ACP3: variants seen among roughly 807,000 people sequenced by gnomAD.
ACP3 encodes the protein prostatic acid phosphatase.
In ACP3, 38 loss-of-function variants were observed where a neutral mutation model predicts 45.6. The ratio of observed to expected loss-of-function variants is 0.83; its 90% CI spans 0.64 to 1.09. The LOEUF (loss-of-function observed/expected upper bound fraction) is 1.09. Ranked by LOEUF, ACP3 falls within the 50% of genes least tolerant of loss-of-function variation. The probability of loss-of-function intolerance (pLI) is 0.00; values close to 1 mark genes in which losing one functional copy is unlikely to be tolerated. For synonymous variants in ACP3, 162 were observed against 164.7 expected, an observed-to-expected ratio of 0.98 and a Z score of 0.13; for missense variants, 466 against 463.2, an observed-to-expected ratio of 1.01 and a Z score of -0.05.
At chr3:132,336,961 T>C (rs895710539) in intron 4 of ACP3, among the ~76,000 whole-genome samples, 4 of 152,316 alleles carry the variant, frequency 2.6e-5, no homozygotes, top group Admixed American at 6.5e-5. Context: ...ATACGTACTC[T>C]TAACAGTCTG....
chr3:132,339,921 C>T (rs1278605732), intron 5 of ACP3, among the ~76,000 whole-genome samples: 2 of 152,122 alleles, frequency 1.3e-5, no homozygotes, highest in African/African-American at 4.8e-5. Context: ...CTGAAGCTGG[C>T]CAGGGACTGC....
chr3:132,350,161 A>C (rs745626096), intron 8 of ACP3, among the ~76,000 whole-genome samples, 159 bp downstream of exon 8: 1 of 147,740 alleles, frequency 6.8e-6, no homozygotes, highest in Non-Finnish European at 1.5e-5. Context: ...TCTGTCCTTT[A>C]AGGGATTTAT....
chr3:132,356,575 T>C, intron 9 of ACP3, 111 bp from the exon 10 acceptor site: 1 of 1,572,780 alleles, frequency 6.4e-7, no homozygotes, highest in Non-Finnish European at 8.6e-7. Flanking sequence ...TCCCCATAAG[T>C]TTTTCCATTA....
rs571917599 is a variant in ACP3 at position 132,358,624 on chromosome 3, G to A, written c.*1746G>A. 8 of 1,055,052 alleles carry A rather than the reference G, an allele frequency of 7.6e-6. No homozygotes were observed. Among genetic ancestry groups the A allele is most frequent in the South Asian group, 5.7e-5 (2 of 35,096 alleles). The allele number at this position is 1,055,052 out of a possible 1,614,324, so 65.4% of individuals were successfully genotyped here. A position where few individuals can be genotyped will look rare whatever the true frequency, so the allele number is the denominator to read the frequency against. Reference sequence around the variant, plus strand: ...TCACAGAATGACTGACAAAGACATCGATTGATATGCTTCTTTGTGTTATTT... The same window carrying A: ...TCACAGAATGACTGACAAAGACATCAATTGATATGCTTCTTTGTGTTATTT... On this transcript the variant is annotated 3_prime_UTR_variant, in exon 10 of 10. Coordinates refer to ENST00000336375, the MANE Select transcript of ACP3 (RefSeq NM_001099.5).
intron 8 of ACP3, among the ~76,000 whole-genome samples, chr3:132,352,499 A>G (rs1282346925): frequency 6.6e-6 from 1 of 152,002 alleles, no homozygotes; most frequent in Admixed American, 6.6e-5. Context: ...CGCCCAGCCA[A>G]TTTCTTCATC....
At chr3:132,359,266 A>C (rs1204871324), downstream of ACP3, among the ~76,000 whole-genome samples, 1 of 152,270 alleles carries the variant, frequency 6.6e-6, no homozygotes, top group South Asian at 2.1e-4. Context: ...TAATCCCAGC[A>C]CTTTGGGAGG....
In ACP3 at chr3:132,342,540, T is replaced by A. The variant is rs1047559836; in HGVS notation, c.556-12T>A. 6.3e-7 allele frequency: 1 copy of A among 1,585,182 alleles called. No homozygotes were observed. Among genetic ancestry groups the A allele is most frequent in the African/African-American group, 1.4e-5 (1 of 73,392 alleles). On this transcript the variant is annotated splice_polypyrimidine_tract_variant and intron_variant, in intron 5 of 9. Transcript: ENST00000336375. Reference sequence around the variant, plus strand: ...CTGTGTAGGAATTTTTCTTTCTCTGTTTGTGTTTCAGGATTTTATAGCTAC... The same window carrying A: ...CTGTGTAGGAATTTTTCTTTCTCTGATTGTGTTTCAGGATTTTATAGCTAC...
rs138177825 is a variant in ACP3, at chr3:132,317,527, T to C, written c.71T>C (p.Phe24Ser). 3.3e-5 allele frequency: 53 copies of C among 1,613,730 alleles called. No homozygotes were observed. Among genetic ancestry groups the C allele is most frequent in the Non-Finnish European group, 4.1e-5 (48 of 1,179,876 alleles). The stretch of plus-strand genomic sequence containing the variant: ...CTTGGCTTCTTGTTTCTGCTTTTTT[T>C]CTGGCTAGACCGAAGTGTACTAGCC... Reference protein sequence around the residue: ...LSLGFLFLLFFWLDRSVLAKE... With the variant: ...LSLGFLFLLFSWLDRSVLAKE... Residue 24 changes from phenylalanine to serine, a missense_variant, in exon 1 of 10, where the codon TTC becomes TCC. Physicochemically the swap from Phe to Ser is radical, Grantham distance 155. Coordinates refer to ENST00000336375, the MANE Select transcript of ACP3 (RefSeq NM_001099.5).
At chr3:132,346,403 T>C (rs1184411592) in intron 7 of ACP3, among the ~76,000 whole-genome samples, 1 of 152,200 alleles carries the variant, frequency 6.6e-6, no homozygotes, top group African/African-American at 2.4e-5. Context: ...TTGTTGTAGA[T>C]CTGCTATTAC....
intron 5 of ACP3, among the ~76,000 whole-genome samples, chr3:132,339,281 G>A (rs1017634240): frequency 2.0e-5 from 3 of 152,204 alleles, no homozygotes; most frequent in Middle Eastern, 6.8e-3. Flanking sequence ...TTTCTCACTT[G>A]AAAACACCAA....
Position 132,357,925 on chromosome 3 carries a change from T to C in ACP3, c.*1047T>C, listed in dbSNP as rs925152526. On this transcript the variant is annotated 3_prime_UTR_variant, in exon 10 of 10. Coordinates refer to ENST00000336375, the MANE Select transcript of ACP3 (RefSeq NM_001099.5). The stretch of plus-strand genomic sequence containing the variant: ...TGGTGTGTGCCTATAGTCCCACTAC[T>C]TGTGGGGCTAAGGCAGGAGGATCAC... The C allele has an allele frequency of 1.5e-5, 3 of 197,328 alleles. No homozygotes were observed. The highest frequency in any genetic ancestry group is 2.7e-5 in the Non-Finnish European group (3 of 109,516). 12.2% of individuals were successfully genotyped at this position (197,328 alleles called of 1,614,324 possible).
chr3:132,351,905 C>G (rs1937749993), intron 8 of ACP3, among the ~76,000 whole-genome samples: 1 of 152,208 alleles, frequency 6.6e-6, no homozygotes, highest in African/African-American at 2.4e-5. Context: ...TCCAGCCACT[C>G]TGGGGTAAAC....
At chr3:132,327,949 T>C (rs532849099) in intron 1 of ACP3, among the ~76,000 whole-genome samples, 1 of 152,366 alleles carries the variant, frequency 6.6e-6, no homozygotes, top group South Asian at 2.1e-4. Flanking sequence ...ACCTGCCTTC[T>C]AATGGCTGAT....
At chr3:132,349,209 T>A (rs1349302257) in intron 7 of ACP3, among the ~76,000 whole-genome samples, 2 of 152,152 alleles carry the variant, frequency 1.3e-5, no homozygotes, top group Non-Finnish European at 2.9e-5. Flanking sequence ...TCTATATCTG[T>A]CTTTCACCAC....
rs1576426165 is a variant in ACP3, at chr3:132,352,896, G to T, written c.968+73G>T. 2.5e-5 allele frequency: 27 copies of T among 1,097,228 alleles called. No homozygotes were observed. The South Asian group carries it at 3.4e-4, about 14-fold the overall frequency. 68.0% of individuals were successfully genotyped at this position (1,097,228 alleles called of 1,614,324 possible). On this transcript the variant is annotated intron_variant, in intron 9 of 9. Transcript: ENST00000336375. ...TTCATTATTATTATTTTGGGTTAAG[G>T]GTTGTGTGCCTGTTTGTCTTTGATT...
chr3:132,352,680 G>C (rs371739843), intron 8 of ACP3, 40 bp from the exon 9 acceptor site: 3 of 1,427,218 alleles, frequency 2.1e-6, no homozygotes, highest in Non-Finnish European at 3.0e-6. Context: ...TATTGAATGT[G>C]AATCTGAACA....
chr3:132,362,542 C>A (rs376300860), downstream of ACP3, among the ~76,000 whole-genome samples: 1 of 151,932 alleles, frequency 6.6e-6, no homozygotes, highest in Non-Finnish European at 1.5e-5. Context: ...GAGGGGTGGA[C>A]GAGGAAATGA....
downstream of ACP3, among the ~76,000 whole-genome samples, chr3:132,360,162 A>T (rs1468202199): frequency 6.6e-6 from 1 of 152,188 alleles, no homozygotes; most frequent in Admixed American, 6.5e-5. Flanking sequence ...CACTCACCTT[A>T]GAAGAGAGAT....
intron 6 of ACP3, among the ~76,000 whole-genome samples, chr3:132,343,614 A>G (rs1937575533): frequency 6.6e-6 from 1 of 151,860 alleles, no homozygotes; most frequent in African/African-American, 2.4e-5. Context: ...AATCTCTCTC[A>G]CTTATTTCCT....
Sources: gnomAD v4.1 joint callset for allele counts (sites outside exome capture counted in the v4.1 genomes callset) on GRCh38, gnomAD v4.1.1 for gene constraint, MANE v1.5 for transcripts, NCBI Gene and HGNC (gene_info 2026-07-23, HGNC 2026-07-21) for gene names.